SRGAP1: variants seen among roughly 807,000 people sequenced by gnomAD.
The protein encoded by SRGAP1 is SLIT-ROBO Rho GTPase activating protein 1.
SRGAP1 carries 43 observed loss-of-function variants against 121.9 expected under a neutral mutation model. The observed-to-expected ratio is 0.35, with a 90% CI of 0.28 to 0.46. The LOEUF is 0.46. Ranked by LOEUF, SRGAP1 falls within the 20% of genes least tolerant of loss-of-function variation. SRGAP1 has a pLI of 1.00. For synonymous variants in SRGAP1, 447 were observed against 485.4 expected (o/e 0.92, Z 1.04); for missense variants, 1,102 against 1,350.9 (o/e 0.82, Z 2.89).
chr12:64,111,647 A>G, intron 16 of SRGAP1, 115 bp from the exon 17 acceptor site: 1 of 884,930 alleles, frequency 1.1e-6, no homozygotes, highest in Non-Finnish European at 1.7e-6. Flanking sequence ...GAGTTTGCTG[A>G]GCCAACTTAA....
At chr12:63,922,103 C>T (rs964424700) in intron 1 of SRGAP1, among the ~76,000 whole-genome samples, 7 of 151,964 alleles carry the variant, frequency 4.6e-5, no homozygotes, top group Middle Eastern at 3.2e-3. Flanking sequence ...ATCAGCCTCC[C>T]AAGTAGCTGA....
chr12:63,882,167 TTAAG>T (rs1483153283), intron 1 of SRGAP1, among the ~76,000 whole-genome samples: 3 of 152,234 alleles, frequency 2.0e-5, no homozygotes, highest in South Asian at 2.1e-4. Context: ...GATTTATAGA[TTAAG>T]TAACAGCTTG....
At chr12:63,941,618 A>G (rs1224668298) in intron 1 of SRGAP1, among the ~76,000 whole-genome samples, 1 of 151,966 alleles carries the variant, frequency 6.6e-6, no homozygotes, top group Non-Finnish European at 1.5e-5. Flanking sequence ...AAAAATCCTC[A>G]ATGTAGCCAA....
Position 64,151,175 on chromosome 12 carries a change from A to G in SRGAP1, c.*8503A>G, listed in dbSNP as rs2037116507. 1 of 152,108 alleles carries G rather than the reference A, an allele frequency of 6.6e-6. No homozygotes were observed. Among genetic ancestry groups the G allele is most frequent in the Admixed American group, 6.6e-5 (1 of 15,264 alleles). 9.4% of individuals were successfully genotyped at this position (152,108 alleles called of 1,614,324 possible). On this transcript the variant is annotated 3_prime_UTR_variant, in exon 22 of 22. Transcript: ENST00000355086. ...CCATGCCTCCATTTCCCAAACAGAA[A>G]TAATAATATGAACATCTTAGTATAT...
At chr12:64,084,878 TATTA>T (rs1168624882) in intron 10 of SRGAP1, among the ~76,000 whole-genome samples, 3 of 151,996 alleles carry the variant, frequency 2.0e-5, no homozygotes, top group Admixed American at 6.5e-5. Flanking sequence ...CATTTATAGA[TATTA>T]ATTTAATAAT....
At chr12:64,071,768 A>G (rs1191343083) in intron 8 of SRGAP1, among the ~76,000 whole-genome samples, 3 of 152,200 alleles carry the variant, frequency 2.0e-5, no homozygotes, top group Non-Finnish European at 2.9e-5. Context: ...ATTTTGTTCA[A>G]AAACAAGAGA....
At chr12:63,966,724 A>G (rs1188028606) in intron 1 of SRGAP1, among the ~76,000 whole-genome samples, 1 of 152,144 alleles carries the variant, frequency 6.6e-6, no homozygotes, top group African/African-American at 2.4e-5. Context: ...GGTAACATGA[A>G]GGGAGAGGTT....
At chr12:64,108,483 AGAAAG>A (rs1424379420) in intron 15 of SRGAP1, among the ~76,000 whole-genome samples, 10 of 152,200 alleles carry the variant, frequency 6.6e-5, no homozygotes, top group Non-Finnish European at 1.0e-4. Flanking sequence ...GGTAATTTTG[AGAAAG>A]GAGAGATTCT....
At chr12:63,852,474 G>T (rs1434801061) in intron 1 of SRGAP1, among the ~76,000 whole-genome samples, 1 of 152,136 alleles carries the variant, frequency 6.6e-6, no homozygotes, top group Non-Finnish European at 1.5e-5. Flanking sequence ...AATTTAAAAG[G>T]GAAATAGAAT....
At chr12:63,956,720 CTT>C (rs3067620) in intron 1 of SRGAP1, among the ~76,000 whole-genome samples, 5,819 of 96,742 alleles carry the variant, frequency 0.06, 99 homozygotes, top group South Asian at 0.084. Flanking sequence ...GTAAGCAAGG[CTT>C]TTTTTTTTTT....
intron 6 of SRGAP1, among the ~76,000 whole-genome samples, chr12:64,057,688 C>T (rs2035369192): frequency 6.6e-6 from 1 of 152,006 alleles, no homozygotes; most frequent in African/African-American, 2.4e-5. Context: ...AGAGATAAGA[C>T]CCAGGACATG....
intron 1 of SRGAP1, among the ~76,000 whole-genome samples, chr12:63,934,127 GA>G (rs113040413): frequency 0.022 from 3,407 of 152,066 alleles, 112 homozygotes; most frequent in African/African-American, 0.077. Context: ...ACCTTAACCT[GA>G]AAAAAACAAG....
chr12:63,927,270 C>G (rs1344978083), intron 1 of SRGAP1, among the ~76,000 whole-genome samples: 1 of 152,224 alleles, frequency 6.6e-6, no homozygotes, highest in Non-Finnish European at 1.5e-5. Context: ...CTGCCTACCC[C>G]TACTACACCT....
At chr12:64,024,316 A>G (rs2034609218) in intron 4 of SRGAP1, among the ~76,000 whole-genome samples, 2 of 152,180 alleles carry the variant, frequency 1.3e-5, no homozygotes, top group African/African-American at 2.4e-5. Flanking sequence ...CTATAGTCCC[A>G]GCTGCACTGG....
chr12:64,133,585 G>T (rs1321248462), intron 21 of SRGAP1, among the ~76,000 whole-genome samples: 1 of 152,134 alleles, frequency 6.6e-6, no homozygotes, highest in African/African-American at 2.4e-5. Flanking sequence ...CTGGTAAAAG[G>T]CTGGAGGTCC....
chr12:63,856,546 T>TGCTAATA (rs4045071), intron 1 of SRGAP1, among the ~76,000 whole-genome samples: 42,917 of 151,910 alleles, frequency 0.28, 6,974 homozygotes, highest in East Asian at 0.55. Flanking sequence ...GGGTTCCATG[T>TGCTAATA]GCTAATAGTC....
Position 63,893,992 on chromosome 12 carries a change from C to T in SRGAP1, c.67+49109C>T, listed in dbSNP as rs544731753. Among the ~76,000 whole-genome samples the T allele has an allele frequency of 1.2e-3, 182 of 152,340 alleles. 1 individual carries two copies. The highest frequency in any genetic ancestry group is 6.8e-4 in the Non-Finnish European group (46 of 68,032). On this transcript the variant is annotated intron_variant, in intron 1 of 21. Coordinates refer to ENST00000355086, the MANE Select transcript of SRGAP1 (RefSeq NM_020762.4). The stretch of plus-strand genomic sequence containing the variant: ...TAGCTGGGACTACAGGCATCCGCCA[C>T]CACACCCGGCTAATTTTTGTATTTT...
In SRGAP1 at chr12:64,108,940, A is replaced by G; in HGVS notation, c.1822A>G (p.Asn608Asp). 6.3e-7 allele frequency: 1 copy of G among 1,595,688 alleles called. No individual in the cohort carries two copies. The highest frequency in any genetic ancestry group is 1.7e-5 in the Admixed American group (1 of 59,534). ...NDLISCIRIDNLYERALHIRK... is the reference protein window; with the variant it reads ...NDLISCIRIDDLYERALHIRK... ...TCATCTTCTGTCTGTAGGAATAGATAATCTCTATGAGAGGGCGCTTCACAT... is the reference window on the plus strand; with the variant it reads ...TCATCTTCTGTCTGTAGGAATAGATGATCTCTATGAGAGGGCGCTTCACAT... Residue 608 changes from asparagine (N) to aspartate (D), a missense_variant, in exon 16 of 22, where the codon AAT (asparagine) becomes GAT (aspartate). Around this residue, in one of 3 missense-constraint regions of SRGAP1, gnomAD observed 747 missense variants for 929.4 expected, o/e 0.80. Transcript: ENST00000355086.
rs778174416 is a variant in SRGAP1, at chr12:64,065,208, G to A, written c.1114G>A (p.Glu372Lys). The A allele has an allele frequency of 5.6e-6, 9 of 1,612,518 alleles. No homozygotes were observed. Among genetic ancestry groups the A allele is most frequent in the African/African-American group, 2.7e-5 (2 of 74,880 alleles). The change falls in exon 8 of 22, where the codon GAG becomes AAG. Residue 372 changes from glutamate to lysine, a missense_variant. By Grantham distance (56) the Glu-to-Lys change is moderately conservative. Transcript: ENST00000355086. ...GTCCCGCCTTGCCACGCTCAAAATC[G>A]AGAATGAAGAGGTGAGCATGCGTTC... ...LQSRLATLKI[E>K]NEEVKKTTEA...
Sources: gnomAD v4.1 joint callset for allele counts (sites outside exome capture counted in the v4.1 genomes callset) on GRCh38, gnomAD v4.1.1 for gene constraint, gnomAD v4.1.1 regional missense constraint, MANE v1.5 for transcripts, NCBI Gene and HGNC (gene_info 2026-07-23, HGNC 2026-07-21) for gene names.